AKAP13: variants seen among roughly 807,000 people sequenced by gnomAD.
The protein encoded by AKAP13 is A-kinase anchor protein 13.
A neutral mutation model predicts 264.5 loss-of-function variants in AKAP13; 80 were observed. The observed-to-expected ratio is 0.30, with a 90% CI of 0.25 to 0.36. AKAP13 has a LOEUF of 0.36. Among genes scored for constraint, AKAP13 ranks in the 10% least tolerant of loss-of-function variants. AKAP13 has a pLI of 1.00. For synonymous variants in AKAP13, 1,380 were observed against 1,250.2 expected (o/e 1.10, Z -2.19); for missense variants, 3,712 against 3,435.2 (o/e 1.08, Z -2.01).
chr15:85,625,624 G>A (rs941939161), intron 8 of AKAP13, among the ~76,000 whole-genome samples: 1 of 152,208 alleles, frequency 6.6e-6, no homozygotes, highest in Non-Finnish European at 1.5e-5. Context: ...CACTTTGGGA[G>A]ATTGAGACAA....
intron 8 of AKAP13, among the ~76,000 whole-genome samples, chr15:85,632,596 C>T (rs1413767651): frequency 6.6e-6 from 1 of 152,108 alleles, no homozygotes; most frequent in Non-Finnish European, 1.5e-5. Context: ...ATGTTCTCAT[C>T]ACTGTTATTA....
At chr15:85,693,567 C>G in intron 17 of AKAP13, 116 bp downstream of exon 17, 1 of 1,469,134 alleles carries the variant, frequency 6.8e-7, no homozygotes, top group Non-Finnish European at 9.0e-7. Flanking sequence ...AGAAGTAACC[C>G]TTTTTATATC....
At chr15:85,506,033 C>A (rs2076210596) in intron 2 of AKAP13, among the ~76,000 whole-genome samples, 1 of 152,110 alleles carries the variant, frequency 6.6e-6, no homozygotes, top group South Asian at 2.1e-4. Flanking sequence ...GTGGCTCATG[C>A]CTATAATCCC....
intron 24 of AKAP13, 46 bp downstream of exon 24, chr15:85,722,162 G>A: frequency 6.2e-7 from 1 of 1,612,002 alleles, no homozygotes; most frequent in African/African-American, 1.3e-5. Flanking sequence ...TGAGAGCCAT[G>A]TGTCCCTGTC....
intron 8 of AKAP13, among the ~76,000 whole-genome samples, chr15:85,615,762 C>T (rs1005350653): frequency 1.4e-4 from 22 of 152,108 alleles, no homozygotes; most frequent in African/African-American, 5.3e-4. Flanking sequence ...TTTCTTTCTC[C>T]TCTGAAACTA....
chr15:85,419,637 G>T lies in AKAP13; in HGVS notation c.-12+38839G>T, dbSNP rs1309609411. On this transcript the variant is annotated intron_variant, in intron 1 of 36. Transcript: ENST00000394518. ...TAGTGAGTTTTTTTGTTGGGGGATG[G>T]AGAGGGAATGTAGAGAGATGGTTAA... Among the ~76,000 whole-genome samples the T allele has an allele frequency of 2.0e-5, 3 of 152,148 alleles. No homozygotes were observed. The East Asian group carries it at 5.8e-4, about 29-fold the overall frequency.
chr15:85,707,234 C>T (rs2086340476), intron 17 of AKAP13, among the ~76,000 whole-genome samples: 1 of 152,224 alleles, frequency 6.6e-6, no homozygotes, highest in African/African-American at 2.4e-5. Flanking sequence ...GCGCTGAGAG[C>T]TGATGGTAAG....
At chr15:85,540,524 T>C (rs1219304620) in intron 4 of AKAP13, among the ~76,000 whole-genome samples, 1 of 152,146 alleles carries the variant, frequency 6.6e-6, no homozygotes, top group African/African-American at 2.4e-5. Context: ...CAGTTGACAC[T>C]GTAGGAAAGG....
chr15:85,717,938 A>G, intron 21 of AKAP13, 69 bp from the exon 22 acceptor site: 2 of 1,486,700 alleles, frequency 1.3e-6, no homozygotes, highest in East Asian at 2.3e-5. Flanking sequence ...CATCTTGAGG[A>G]AAGTCCAACA....
At chr15:85,456,933 A>G (rs925529926) in intron 1 of AKAP13, among the ~76,000 whole-genome samples, 2 of 152,208 alleles carry the variant, frequency 1.3e-5, no homozygotes, top group African/African-American at 4.8e-5. Context: ...TCCTCAGTCC[A>G]TTCAATACAA....
chr15:85,726,558 T>C, intron 27 of AKAP13, 72 bp downstream of exon 27: 3 of 1,294,104 alleles, frequency 2.3e-6, no homozygotes, highest in Non-Finnish European at 3.3e-6. Flanking sequence ...AGCACTATGT[T>C]ATTGCTCTCC....
rs116189370 is a variant in AKAP13, at chr15:85,580,180, C to T, written c.2112C>T (p.Pro704=). 1.4e-4 allele frequency: 233 copies of T among 1,614,218 alleles called. 1 individual carries two copies. The African/African-American group carries it at 2.6e-3, about 18-fold the overall frequency. The change falls in exon 7 of 37, where the codon CCC becomes CCT. Residue 704 remains proline (P), a synonymous_variant. Coordinates refer to ENST00000394518, the MANE Select transcript of AKAP13 (RefSeq NM_007200.5). ...TARQPSSQDP[P]DASHCEDPQA... ...GGCAACCCAGCTCACAAGATCCACC[C>T]GATGCCTCCCACTGTGAAGACCCAC...
chr15:85,426,949 TG>T, intron 1 of AKAP13, among the ~76,000 whole-genome samples: 1 of 124,232 alleles, frequency 8.0e-6, no homozygotes, highest in Non-Finnish European at 1.6e-5. Flanking sequence ...AGTATTGTTT[TG>T]TTTTGTTTTT....
intron 12 of AKAP13, among the ~76,000 whole-genome samples, chr15:85,662,145 C>T (rs1204794427): frequency 2.0e-5 from 3 of 152,164 alleles, no homozygotes; most frequent in East Asian, 3.9e-4. Context: ...ACTGGTGATA[C>T]TGTAAAGAAC....
intron 2 of AKAP13, 106 bp from the exon 3 acceptor site, chr15:85,521,322 G>A: frequency 7.3e-7 from 1 of 1,369,424 alleles, no homozygotes; most frequent in Admixed American, 1.8e-5. Context: ...TGGGGGCATG[G>A]TTTAGATGAT....
Position 85,678,475 on chromosome 15 carries a change from A to G in AKAP13, c.5102-3683A>G, listed in dbSNP as rs1047601839. Among the ~76,000 whole-genome samples, 12 of 152,318 alleles carry G rather than the reference A, an allele frequency of 7.9e-5. No individual in the cohort carries two copies. The East Asian group carries it at 1.5e-3, about 20-fold the overall frequency. ...AAAGATGTTTGAAAAATAGACACAGAATAAGATGATCCCAGTTGTAATAGA... is the reference window on the plus strand; with the variant it reads ...AAAGATGTTTGAAAAATAGACACAGGATAAGATGATCCCAGTTGTAATAGA... On this transcript the variant is annotated intron_variant, in intron 14 of 36. Coordinates refer to ENST00000394518, the MANE Select transcript of AKAP13 (RefSeq NM_007200.5).
At chr15:85,393,973 G>T (rs189855277) in intron 1 of AKAP13, among the ~76,000 whole-genome samples, 2 of 152,182 alleles carry the variant, frequency 1.3e-5, no homozygotes, top group Non-Finnish European at 2.9e-5. Flanking sequence ...GAAAGTAGCA[G>T]AAACTTGCCA....
At chr15:85,625,442 C>T (rs1312417730) in intron 8 of AKAP13, among the ~76,000 whole-genome samples, 2 of 152,104 alleles carry the variant, frequency 1.3e-5, no homozygotes, top group Non-Finnish European at 2.9e-5. Context: ...TATAAGGATC[C>T]AATTTATCTG....
chr15:85,620,070 T>G lies in AKAP13; in HGVS notation c.4162-19304T>G, dbSNP rs1468236622. 4 of 1,536,066 alleles carry G rather than the reference T, an allele frequency of 2.6e-6. No homozygotes were observed. The South Asian group carries it at 4.8e-5, about 18-fold the overall frequency. On this transcript the variant is annotated intron_variant, in intron 8 of 36. Coordinates refer to ENST00000394518, the MANE Select transcript of AKAP13 (RefSeq NM_007200.5). Reference sequence around the variant, plus strand: ...GGATATACTTCCTGCATTTTCTCTGTTCTTTCTTGCATTTGGGCAAAATGT... The same window carrying G: ...GGATATACTTCCTGCATTTTCTCTGGTCTTTCTTGCATTTGGGCAAAATGT...
Sources: allele counts gnomAD v4.1 joint callset (sites outside exome capture counted in the v4.1 genomes callset), GRCh38; gene constraint gnomAD v4.1.1; transcripts MANE v1.5; gene names NCBI Gene and HGNC (gene_info 2026-07-23, HGNC 2026-07-21).